TTC34: variants seen among roughly 807,000 people sequenced by gnomAD.
TTC34 encodes tetratricopeptide repeat protein 34.
In TTC34, 44 loss-of-function variants were observed where a neutral mutation model predicts 40.7. The observed-to-expected ratio is 1.08, with a 90% confidence interval of 0.85 to 1.39. The LOEUF is 1.39. Ranked by LOEUF, TTC34 falls within the 40% of genes most tolerant of loss-of-function variation. The pLI is 0.00. For missense variants in TTC34, 884 were observed against 838.0 expected, an observed-to-expected ratio of 1.05 and a Z score of -0.68; for synonymous variants, 422 against 398.6, an observed-to-expected ratio of 1.06 and a Z score of -0.70.
chr1:2,780,266 G>A (rs889089376), intron 6 of TTC34, among the ~76,000 whole-genome samples: 8 of 152,088 alleles, frequency 5.3e-5, no homozygotes, highest in African/African-American at 1.9e-4. Context: ...TTATAATAGT[G>A]TCCTTTGGTG....
intron 6 of TTC34, among the ~76,000 whole-genome samples, chr1:2,753,375 C>A (rs1160701693): frequency 0.013 from 1,342 of 101,714 alleles, no homozygotes; most frequent in Admixed American, 0.021. Flanking sequence ...AGCACCCACA[C>A]CCCCAGGCGA....
At chr1:2,755,863 C>A (rs1164250488) in intron 6 of TTC34, among the ~76,000 whole-genome samples, 1 of 79,940 alleles carries the variant, frequency 1.3e-5, no homozygotes, top group Non-Finnish European at 2.2e-5. Context: ...ATCACCCACA[C>A]ACTCACGCGA....
Position 2,687,270 on chromosome 1 carries a change from G to T in TTC34, c.2227-41707C>A, listed in dbSNP as rs531553997. On this transcript the variant is annotated intron_variant, in intron 6 of 8. Transcript: ENST00000401095. Reference sequence around the variant, plus strand: ...CCCCAGGTGCGCATCTGATGGTCTGGAGCAGCACCCACAACCACAGGTGAG... The same window carrying T: ...CCCCAGGTGCGCATCTGATGGTCTGTAGCAGCACCCACAACCACAGGTGAG... Among the ~76,000 whole-genome samples, 327 of 136,252 alleles carry T rather than the reference G, an allele frequency of 2.4e-3. 27 individuals carry two copies. The highest frequency in any genetic ancestry group is 9.1e-3 in the African/African-American group (289 of 31,816). The allele number at this position is 136,252 out of a possible 152,430, so 89.4% of individuals were successfully genotyped here. A position where few individuals can be genotyped will look rare whatever the true frequency, so the allele number is the denominator to read the frequency against.
chr1:2,687,374 G>A (rs1570817576), intron 6 of TTC34, among the ~76,000 whole-genome samples: 1 of 151,110 alleles, frequency 6.6e-6, no homozygotes, highest in Non-Finnish European at 1.5e-5. Flanking sequence ...ACCCCCAGGC[G>A]AGCATCTGAC....
intron 6 of TTC34, among the ~76,000 whole-genome samples, chr1:2,781,098 C>T (rs1643476076): frequency 6.6e-6 from 1 of 152,108 alleles, no homozygotes; most frequent in East Asian, 1.9e-4. Context: ...TCAATAAATA[C>T]AGCCAGCCTT....
At chr1:2,677,788 G>T (rs199544026) in intron 6 of TTC34, among the ~76,000 whole-genome samples, 5 of 47,196 alleles carry the variant, frequency 1.1e-4, no homozygotes, top group Admixed American at 2.1e-4. Context: ...GTGAGCATCT[G>T]ACCGCATCAC....
chr1:2,749,756 C>T (rs1420384766), intron 6 of TTC34, among the ~76,000 whole-genome samples: 2 of 75,256 alleles, frequency 2.7e-5, no homozygotes, highest in Non-Finnish European at 4.9e-5. Context: ...ACTGGAACAG[C>T]TCCCACACCC....
intron 2 of TTC34, among the ~76,000 whole-genome samples, chr1:2,793,221 C>T (rs1643681708): frequency 6.6e-6 from 1 of 152,168 alleles, no homozygotes; most frequent in African/African-American, 2.4e-5. Flanking sequence ...AATGGTCTCT[C>T]ATTGTTTTAA....
chr1:2,651,141 G>A (rs1639124193), intron 6 of TTC34, among the ~76,000 whole-genome samples: 1 of 151,340 alleles, frequency 6.6e-6, no homozygotes, highest in Non-Finnish European at 1.5e-5. Flanking sequence ...GCCTGGGACA[G>A]TACCCTCCAG....
At chr1:2,694,641 G>A (rs1303199268) in intron 6 of TTC34, among the ~76,000 whole-genome samples, 2 of 83,938 alleles carry the variant, frequency 2.4e-5, no homozygotes, top group African/African-American at 7.7e-5. Context: ...CTCCCGGCGA[G>A]CATCTGACGG....
chr1:2,748,854 T>A (rs1466245784), intron 6 of TTC34, among the ~76,000 whole-genome samples: 1 of 135,954 alleles, frequency 7.4e-6, no homozygotes, highest in Non-Finnish European at 1.5e-5. Context: ...CAGGTGAGCA[T>A]CTGATGCTTT....
intron 6 of TTC34, among the ~76,000 whole-genome samples, chr1:2,759,920 A>T (rs1401533748): frequency 4.0e-5 from 5 of 123,472 alleles, no homozygotes; most frequent in Non-Finnish European, 6.8e-5. Context: ...ATCACCCTGC[A>T]CCCCCAGGTG....
chr1:2,655,142 GAGCATCCGACAGC>G, intron 6 of TTC34, among the ~76,000 whole-genome samples: 1 of 151,140 alleles, frequency 6.6e-6, no homozygotes, highest in East Asian at 1.9e-4. Context: ...ACCCCCAGGT[GAGCATCCGACAGC>G]CTGGAGCAGC....
chr1:2,784,799 C>T (rs1281443564), intron 5 of TTC34, among the ~76,000 whole-genome samples: 1 of 152,200 alleles, frequency 6.6e-6, no homozygotes, highest in Non-Finnish European at 1.5e-5. Flanking sequence ...CATGACTATT[C>T]TTATTCTATT....
chr1:2,771,518 G>C (rs1455642675), intron 6 of TTC34, among the ~76,000 whole-genome samples: 703 of 38,734 alleles, frequency 0.018, 5 homozygotes, highest in South Asian at 0.037. Context: ...GGAGTAGCAC[G>C]CACACCCCCA....
chr1:2,749,458 C>T (rs1212190143), intron 6 of TTC34, among the ~76,000 whole-genome samples: 3,750 of 59,308 alleles, frequency 0.063, 7 homozygotes, highest in Middle Eastern at 0.11. Context: ...AGGTGAGCAT[C>T]TGACGGCCTG....
At chr1:2,749,503 A>G (rs1308381519) in intron 6 of TTC34, among the ~76,000 whole-genome samples, 4 of 71,956 alleles carry the variant, frequency 5.6e-5, no homozygotes, top group Admixed American at 1.5e-4. Flanking sequence ...AGCATTGGAC[A>G]GCCTGGAGCA....
At chr1:2,784,183 T>C (rs921449505) in intron 5 of TTC34, among the ~76,000 whole-genome samples, 11 of 152,092 alleles carry the variant, frequency 7.2e-5, no homozygotes, top group African/African-American at 2.7e-4. Flanking sequence ...ATTGACAAGG[T>C]GAAGCAAGTC....
At chr1:2,696,275 A>C (rs1378530728) in intron 6 of TTC34, among the ~76,000 whole-genome samples, 2 of 81,610 alleles carry the variant, frequency 2.5e-5, no homozygotes, top group African/African-American at 4.9e-5. Context: ...CAGCACCCAC[A>C]CCCCCAGGTA....
Sources: allele counts gnomAD v4.1 joint callset (sites outside exome capture counted in the v4.1 genomes callset), GRCh38; gene constraint gnomAD v4.1.1; transcripts MANE v1.5; gene names NCBI Gene and HGNC (gene_info 2026-07-23, HGNC 2026-07-21).